The following CNTNAP2 variants were observed in gnomAD, a reference collection of about 807,000 sequenced individuals.
CNTNAP2 encodes contactin-associated protein-like 2.
Under a neutral mutation model 155.2 loss-of-function variants are expected in CNTNAP2, and 98 were observed. The observed-to-expected ratio is 0.63, with a 90% CI of 0.54 to 0.75. CNTNAP2 has a LOEUF of 0.75. Ranked by LOEUF, CNTNAP2 falls within the 30% of genes least tolerant of loss-of-function variation. The pLI is 0.00. For missense variants in CNTNAP2, 1,727 were observed against 1,688.1 expected (o/e 1.02, Z -0.40); for synonymous variants, 651 against 631.2 (o/e 1.03, Z -0.47).
intron 14 of CNTNAP2, among the ~76,000 whole-genome samples, chr7:147,956,472 T>C (rs553411143): frequency 1.3e-5 from 2 of 152,324 alleles, no homozygotes; most frequent in East Asian, 3.9e-4. Flanking sequence ...GCAGAGGCTC[T>C]AATGAAATCT....
At chr7:147,033,967 G>A (rs1282754933) in intron 3 of CNTNAP2, among the ~76,000 whole-genome samples, 1 of 152,154 alleles carries the variant, frequency 6.6e-6, no homozygotes, top group Admixed American at 6.5e-5. Context: ...AAAAACGGCT[G>A]CTCCATAGAC....
At position 147,618,732 on chromosome 7, in the gene CNTNAP2, CTT is replaced by C. The variant is rs1801340473; in HGVS notation, c.1898-20373_1898-20372del. ...ATACACACACACACACACACACACA[CTT>C]ATACGATTAAGAAACTGGTTACATT... On this transcript the variant is annotated intron_variant, in intron 12 of 23. Transcript: ENST00000361727. 2.7e-5 allele frequency among the ~76,000 whole-genome samples: 4 copies of C among 150,452 alleles called. No homozygotes were observed. The Middle Eastern group carries it at 0.01, about 392-fold the overall frequency.
intron 12 of CNTNAP2, among the ~76,000 whole-genome samples, chr7:147,597,086 G>A (rs1800839293): frequency 6.6e-6 from 1 of 152,134 alleles, no homozygotes; most frequent in Non-Finnish European, 1.5e-5. Context: ...ATAAAAATGG[G>A]CAACCATCAG....
intron 3 of CNTNAP2, among the ~76,000 whole-genome samples, chr7:146,969,297 G>T (rs1485457247): frequency 1.3e-5 from 2 of 152,108 alleles, no homozygotes; most frequent in Admixed American, 6.6e-5. Flanking sequence ...GTTGATTTGG[G>T]GTGGAGAGGT....
chr7:146,854,250 G>T (rs147382241), intron 3 of CNTNAP2, among the ~76,000 whole-genome samples: 356 of 152,324 alleles, frequency 2.3e-3, no homozygotes, highest in African/African-American at 6.4e-3. Flanking sequence ...TTCCTCTGTT[G>T]AAGGGTCATG....
intron 1 of CNTNAP2, among the ~76,000 whole-genome samples, chr7:146,748,935 C>A (rs1483302853): frequency 6.6e-6 from 1 of 152,174 alleles, no homozygotes; most frequent in African/African-American, 2.4e-5. Context: ...AACCATTTGA[C>A]TACAAATTGC....
intron 9 of CNTNAP2, among the ~76,000 whole-genome samples, chr7:147,312,749 T>C (rs1795149670): frequency 9.0e-6 from 1 of 111,656 alleles, no homozygotes. Flanking sequence ...TATAACAGCA[T>C]GATTTATAGT....
At chr7:148,094,555 G>C (rs991280820) in intron 15 of CNTNAP2, among the ~76,000 whole-genome samples, 2 of 152,196 alleles carry the variant, frequency 1.3e-5, no homozygotes, top group East Asian at 3.9e-4. Context: ...GGTGGTACTA[G>C]AGTCAGGGAG....
intron 1 of CNTNAP2, among the ~76,000 whole-genome samples, chr7:146,322,634 C>CTTTTTTATTTTTTTTTTTTTTT (rs1801025416): frequency 1.5e-5 from 1 of 64,964 alleles, no homozygotes; most frequent in Non-Finnish European, 2.7e-5. Flanking sequence ...TGTTCATTCT[C>CTTTTTTATTTTTTTTTTTTTTT]TTTTTTTTTT....
chr7:146,450,083 C>T (rs572860862), intron 1 of CNTNAP2, among the ~76,000 whole-genome samples: 15 of 152,180 alleles, frequency 9.9e-5, no homozygotes, highest in Admixed American at 2.6e-4. Context: ...ACTGTTTCTA[C>T]GTTGTACCTT....
At chr7:147,008,962 A>G (rs1798575248) in intron 3 of CNTNAP2, among the ~76,000 whole-genome samples, 1 of 142,386 alleles carries the variant, frequency 7.0e-6, no homozygotes, top group East Asian at 2.1e-4. Flanking sequence ...TGGTGTTTGG[A>G]TTTTTTTTTT....
chr7:147,935,561 A>T (rs1800594147), intron 14 of CNTNAP2, among the ~76,000 whole-genome samples: 1 of 152,244 alleles, frequency 6.6e-6, no homozygotes, highest in African/African-American at 2.4e-5. Context: ...TGTTTACAAG[A>T]TTATGTTAAA....
At chr7:146,269,492 A>C (rs566820532) in intron 1 of CNTNAP2, among the ~76,000 whole-genome samples, 2 of 152,338 alleles carry the variant, frequency 1.3e-5, no homozygotes, top group South Asian at 4.1e-4. Context: ...CAAGTTACCA[A>C]ATTAGATCTC....
intron 9 of CNTNAP2, among the ~76,000 whole-genome samples, chr7:147,371,062 C>G (rs748672817): frequency 3.9e-5 from 6 of 152,122 alleles, no homozygotes; most frequent in Non-Finnish European, 8.8e-5. Flanking sequence ...AAAATAGCCT[C>G]AGATGCCTCA....
At chr7:147,966,716 C>T (rs892238948) in intron 14 of CNTNAP2, among the ~76,000 whole-genome samples, 10 of 152,106 alleles carry the variant, frequency 6.6e-5, no homozygotes, top group African/African-American at 2.4e-4. Flanking sequence ...CGTCTGCCCA[C>T]AACCATCATC....
chr7:147,240,942 C>T (rs1235529534), intron 8 of CNTNAP2, among the ~76,000 whole-genome samples: 2 of 152,082 alleles, frequency 1.3e-5, no homozygotes, highest in Non-Finnish European at 2.9e-5. Flanking sequence ...AGGTGGGACA[C>T]TTTTATTTCA....
intron 1 of CNTNAP2, among the ~76,000 whole-genome samples, chr7:146,269,667 C>T (rs1800048841): frequency 6.6e-6 from 1 of 152,134 alleles, no homozygotes; most frequent in Non-Finnish European, 1.5e-5. Flanking sequence ...AAGAAAATTA[C>T]TGTTCAACAT....
At chr7:147,770,572 T>C (rs555699733) in intron 13 of CNTNAP2, among the ~76,000 whole-genome samples, 8 of 152,072 alleles carry the variant, frequency 5.3e-5, no homozygotes, top group East Asian at 3.8e-4. Context: ...ACTTAGATAA[T>C]AAAAGTAACA....
At chr7:148,348,794 A>G (rs1798368546) in intron 21 of CNTNAP2, among the ~76,000 whole-genome samples, 1 of 152,364 alleles carries the variant, frequency 6.6e-6, no homozygotes, top group Non-Finnish European at 1.5e-5. Context: ...AACAGCTTCA[A>G]TCACACAGAT....
Sources: gnomAD v4.1 joint callset for allele counts (sites outside exome capture counted in the v4.1 genomes callset) on GRCh38, gnomAD v4.1.1 for gene constraint, MANE v1.5 for transcripts, NCBI Gene and HGNC (gene_info 2026-07-23, HGNC 2026-07-21) for gene names.